Variants in PYHIN1 observed in about 807,000 individuals in gnomAD.
The protein encoded by PYHIN1 is pyrin and HIN domain-containing protein 1.
A neutral mutation model predicts 43.7 loss-of-function variants in PYHIN1; 32 were observed. That is an observed-to-expected ratio of 0.73 (90% CI 0.55 to 0.98). The LOEUF (loss-of-function observed/expected upper bound fraction) is 0.98. Among genes scored for constraint, PYHIN1 ranks in the 50% least tolerant of loss-of-function variants. PYHIN1 has a pLI of 0.00. For missense variants in PYHIN1, 588 were observed against 589.5 expected (o/e 1.00, Z 0.03); for synonymous variants, 205 against 203.1 (o/e 1.01, Z -0.08).
At chr1:158,946,137 C>A (rs1318128482) in intron 7 of PYHIN1, among the ~76,000 whole-genome samples, 5 of 152,310 alleles carry the variant, frequency 3.3e-5, no homozygotes, top group Non-Finnish European at 5.9e-5. Context: ...ATAGCCCAGG[C>A]TCTGCAGGGC....
At chr1:158,946,686 C>T (rs1649242512) in intron 7 of PYHIN1, among the ~76,000 whole-genome samples, 1 of 152,096 alleles carries the variant, frequency 6.6e-6, no homozygotes, top group Non-Finnish European at 1.5e-5. Flanking sequence ...TTAATAAACA[C>T]CCATCAGACA....
chr1:158,935,235 C>G (rs1227966892), intron 1 of PYHIN1, among the ~76,000 whole-genome samples: 1 of 146,124 alleles, frequency 6.8e-6, no homozygotes, highest in Non-Finnish European at 1.5e-5. Context: ...AGTCATGAAG[C>G]ATGAAAATGT....
the PYHIN1 span, among the ~76,000 whole-genome samples, chr1:158,990,847 G>A: frequency 6.6e-6 from 1 of 152,168 alleles, no homozygotes; most frequent in African/African-American, 2.4e-5. Flanking sequence ...GAGGCACATG[G>A]TGGGACCAGG....
chr1:158,942,983 T>C (rs1363723805), intron 5 of PYHIN1, among the ~76,000 whole-genome samples: 4 of 152,166 alleles, frequency 2.6e-5, no homozygotes, highest in Admixed American at 6.5e-5. Flanking sequence ...AGGTAATCTG[T>C]ACTCGTATAT....
rs1648779584 is a variant in PYHIN1 at position 158,939,503 on chromosome 1, C to A, written c.579+256C>A. 3 of 1,550,710 alleles carry A rather than the reference C, an allele frequency of 1.9e-6. No individual in the cohort carries two copies. The South Asian group carries it at 3.6e-5, about 18-fold the overall frequency. ...GAACTGCGGAATCTGGAACTTTCAG[C>A]AACAGACTCACTGTCTACTGCCCCC... On this transcript the variant is annotated intron_variant, in intron 4 of 8. Coordinates refer to ENST00000368140, the MANE Select transcript of PYHIN1 (RefSeq NM_152501.5).
intron 4 of PYHIN1, among the ~76,000 whole-genome samples, chr1:158,941,153 C>G (rs570761433): frequency 1.3e-5 from 2 of 152,190 alleles, no homozygotes; most frequent in African/African-American, 4.8e-5. Context: ...TCAGACCACT[C>G]CAGGAGCTGC....
chr1:158,942,217 T>A lies in PYHIN1; in HGVS notation c.820T>A (p.Tyr274Asn), dbSNP rs1329031396. 1 of 1,613,920 alleles carries A rather than the reference T, an allele frequency of 6.2e-7. No homozygotes were observed. Residue 274 changes from tyrosine to asparagine, a missense_variant, in exon 5 of 9, where the codon TAT (tyrosine) becomes AAT (asparagine). Physicochemically the swap from Tyr to Asn is moderately radical, Grantham distance 143. Transcript: ENST00000368140. ...IKKRIIIISN[Y>N]SKRNSLLEVN... ...AAAGAGAATCATCATTATATCAAAT[T>A]ATTCCAAACGTAATAGTCTCCTAGA... is the stretch of plus-strand genomic sequence containing the variant.
At chr1:158,958,815 G>T (rs1209644938) in intron 7 of PYHIN1, among the ~76,000 whole-genome samples, 1 of 147,408 alleles carries the variant, frequency 6.8e-6, no homozygotes, top group Non-Finnish European at 1.5e-5. Context: ...CTCCCTACTT[G>T]CTCCCAGAGC....
At chr1:158,963,596 G>C (rs1177394832) in intron 7 of PYHIN1, among the ~76,000 whole-genome samples, 1 of 152,208 alleles carries the variant, frequency 6.6e-6, no homozygotes, top group African/African-American at 2.4e-5. Context: ...GGCAGAGCAA[G>C]AGCCTACCTA....
intron 7 of PYHIN1, among the ~76,000 whole-genome samples, chr1:158,952,765 C>A (rs971932039): frequency 6.6e-6 from 1 of 152,186 alleles, no homozygotes; most frequent in East Asian, 1.9e-4. Flanking sequence ...GATGGCCGAA[C>A]AGGAATAGCT....
At chr1:158,955,399 T>C (rs1321413910) in intron 7 of PYHIN1, among the ~76,000 whole-genome samples, 1 of 149,706 alleles carries the variant, frequency 6.7e-6, no homozygotes, top group Non-Finnish European at 1.5e-5. Context: ...TATAACAAAC[T>C]ATCTCTCAGA....
At chr1:158,977,314 A>G (rs181533200), downstream of PYHIN1, among the ~76,000 whole-genome samples, 1 of 152,256 alleles carries the variant, frequency 6.6e-6, no homozygotes, top group East Asian at 1.9e-4. Flanking sequence ...AACTAGAGAT[A>G]TCTTTTCAGA....
At chr1:158,964,816 G>A (rs149592404) in intron 7 of PYHIN1, among the ~76,000 whole-genome samples, 1,588 of 152,196 alleles carry the variant, frequency 0.01, 37 homozygotes, top group African/African-American at 0.037. Context: ...ACACTATGAA[G>A]CAACCACAGA....
At chr1:158,939,659 C>G in intron 4 of PYHIN1, 1 of 777,652 alleles carries the variant, frequency 1.3e-6, no homozygotes. Context: ...CTGGCCAACC[C>G]TATCCACCCT....
intron 7 of PYHIN1, among the ~76,000 whole-genome samples, chr1:158,970,763 AT>A (rs1274806232): frequency 1.3e-5 from 2 of 152,048 alleles, no homozygotes; most frequent in African/African-American, 2.4e-5. Flanking sequence ...GAAAATAATA[AT>A]GATATTTCTT....
At chr1:158,939,388 C>A (rs1648768214) in intron 4 of PYHIN1, 141 bp downstream of exon 4, 1 of 1,582,926 alleles carries the variant, frequency 6.3e-7, no homozygotes, top group Middle Eastern at 1.7e-4. Context: ...GCATTTTAAT[C>A]TTTTGCTTCC....
chr1:158,941,725 T>C (rs1027575682), intron 4 of PYHIN1, among the ~76,000 whole-genome samples: 15 of 152,212 alleles, frequency 9.9e-5, no homozygotes, highest in African/African-American at 3.6e-4. Flanking sequence ...TTGTCTTTTG[T>C]TGCTATTATA....
chr1:158,976,651 A>G (rs2101745106), intron 8 of PYHIN1, 50 bp from the exon 9 acceptor site: 3 of 1,451,516 alleles, frequency 2.1e-6, no homozygotes, highest in Non-Finnish European at 1.9e-6. Context: ...AAAGAAATGT[A>G]TGACTCCCTG....
intron 5 of PYHIN1, 130 bp downstream of exon 5, chr1:158,942,529 GTAGA>G (rs949651137): frequency 1.5e-6 from 1 of 670,576 alleles, no homozygotes; most frequent in African/African-American, 1.8e-5. Flanking sequence ...CTACTGACAA[GTAGA>G]TAAAGTCTTC....
Sources: allele counts gnomAD v4.1 joint callset (sites outside exome capture counted in the v4.1 genomes callset), GRCh38; gene constraint gnomAD v4.1.1; transcripts MANE v1.5; gene names NCBI Gene and HGNC (gene_info 2026-07-23, HGNC 2026-07-21).